Variants in ATE1 observed in about 807,000 individuals in gnomAD.
ATE1 encodes arginyl-tRNA--protein transferase 1.
ATE1 carries 36 observed loss-of-function variants against 70.5 expected under a neutral mutation model. That is an observed-to-expected ratio of 0.51 (90% confidence interval 0.39 to 0.67). The LOEUF (loss-of-function observed/expected upper bound fraction) is 0.67, where lower values mean the gene tolerates loss of function less well. ATE1 is among the 30% of genes least tolerant of loss of function. The pLI, the probability that ATE1 is intolerant of heterozygous loss-of-function variation, is 0.00. For missense variants in ATE1, 593 were observed against 629.5 expected (o/e 0.94, Z 0.62); for synonymous variants, 232 against 219.3 (o/e 1.06, Z -0.51).
intron 11 of ATE1, among the ~76,000 whole-genome samples, chr10:121,788,233 A>G (rs1043195396): frequency 1.1e-4 from 16 of 152,230 alleles, no homozygotes; most frequent in Admixed American, 1.0e-3. Flanking sequence ...TGACAAATTT[A>G]ATGTTTGTTT....
In ATE1 at chr10:121,791,752, C is replaced by A. The variant is rs7913772; in HGVS notation, c.1258-1463G>T. On this transcript the variant is annotated intron_variant, in intron 10 of 11. Transcript: ENST00000224652. ...CAAACCTTTTAGTATACAATGCTTA[C>A]CGATGTTATGTTCTAGTCTATTTTA... Among the ~76,000 whole-genome samples the A allele has an allele frequency of 7.8e-3, 1,184 of 152,236 alleles. 13 individuals carry two copies. Among genetic ancestry groups the A allele is most frequent in the African/African-American group, 0.028 (1,142 of 41,514 alleles).
In ATE1 at chr10:121,896,012, G is replaced by A. The variant is rs562107186; in HGVS notation, c.942+3854C>T. On this transcript the variant is annotated intron_variant, in intron 7 of 11. Coordinates refer to ENST00000224652, the MANE Select transcript of ATE1 (RefSeq NM_001001976.3). ...ATGGTACTGTAGTTATATATTTTTTGATGTCTATATTAATAACTTTTAATC... is the reference window on the plus strand; with the variant it reads ...ATGGTACTGTAGTTATATATTTTTTAATGTCTATATTAATAACTTTTAATC... Among the ~76,000 whole-genome samples, 24 of 151,426 alleles carry A rather than the reference G, an allele frequency of 1.6e-4. No homozygotes were observed. In the South Asian group the frequency reaches 4.6e-3, roughly 29 times the overall value.
intron 11 of ATE1, among the ~76,000 whole-genome samples, chr10:121,763,162 T>G (rs551096257): frequency 6.6e-6 from 1 of 152,320 alleles, no homozygotes; most frequent in South Asian, 2.1e-4. Context: ...TGGTTTATGA[T>G]AGCAAAATTG....
intron 8 of ATE1, among the ~76,000 whole-genome samples, chr10:121,849,171 A>G (rs1184797134): frequency 6.6e-6 from 1 of 151,010 alleles, no homozygotes; most frequent in Non-Finnish European, 1.5e-5. Context: ...CGATCACCCC[A>G]TTGCACTCCA....
chr10:121,759,606 C>T (rs1271201293), intron 11 of ATE1, among the ~76,000 whole-genome samples: 1 of 151,334 alleles, frequency 6.6e-6, no homozygotes, highest in Non-Finnish European at 1.5e-5. Context: ...CACCTGTAGT[C>T]CCAGCTACTT....
At chr10:121,766,642 A>G in intron 11 of ATE1, among the ~76,000 whole-genome samples, 1 of 152,256 alleles carries the variant, frequency 6.6e-6, no homozygotes, top group African/African-American at 2.4e-5. Context: ...CCCTCTAGCC[A>G]AAGTACCAGG....
chr10:121,885,844 GA>G (rs1453004252), intron 7 of ATE1, among the ~76,000 whole-genome samples: 4 of 152,224 alleles, frequency 2.6e-5, no homozygotes, highest in African/African-American at 4.8e-5. Flanking sequence ...TTGTTGCAGT[GA>G]ATCGAGATTG....
At chr10:121,810,566 G>A (rs1371291899) in intron 10 of ATE1, among the ~76,000 whole-genome samples, 2 of 151,668 alleles carry the variant, frequency 1.3e-5, no homozygotes, top group Admixed American at 6.6e-5. Context: ...CACCGCGCCC[G>A]GCCACTAAAT....
intron 11 of ATE1, among the ~76,000 whole-genome samples, chr10:121,746,071 C>T (rs1347630612): frequency 1.3e-5 from 2 of 152,114 alleles, no homozygotes; most frequent in African/African-American, 2.4e-5. Flanking sequence ...CGCAGAATTA[C>T]CCGCTTCCCC....
At chr10:121,766,182 T>C (rs1377478477) in intron 11 of ATE1, among the ~76,000 whole-genome samples, 1 of 152,220 alleles carries the variant, frequency 6.6e-6, no homozygotes, top group Non-Finnish European at 1.5e-5. Context: ...GTTCAAGTTT[T>C]ACCAGGCAGT....
chr10:121,861,379 C>A lies in ATE1; in HGVS notation c.975+8627G>T, dbSNP rs118133456. On this transcript the variant is annotated intron_variant, in intron 8 of 11. Transcript: ENST00000224652. ...TATGGGACTGGTTTCTAGGAAAAGA[C>A]TTCCAGTTGATATCATGAGATATAT... is the stretch of plus-strand genomic sequence containing the variant. Among the ~76,000 whole-genome samples the A allele has an allele frequency of 1.8e-3, 272 of 152,066 alleles. 8 individuals carry two copies. In the East Asian group the frequency reaches 0.046, roughly 26 times the overall value.
chr10:121,895,924 CAAA>C (rs529211208), intron 7 of ATE1, among the ~76,000 whole-genome samples: 1 of 127,356 alleles, frequency 7.9e-6, no homozygotes. Flanking sequence ...CTCCCCCCAC[CAAA>C]AAAAAAAAAA....
chr10:121,771,064 T>C (rs890777134), intron 11 of ATE1, among the ~76,000 whole-genome samples: 1 of 152,078 alleles, frequency 6.6e-6, no homozygotes, highest in Non-Finnish European at 1.5e-5. Flanking sequence ...CAACCATCTC[T>C]CTCTACTTTA....
chr10:121,751,038 C>T (rs926473560), intron 11 of ATE1, among the ~76,000 whole-genome samples: 5 of 152,014 alleles, frequency 3.3e-5, no homozygotes, highest in Admixed American at 2.6e-4. Flanking sequence ...AAGAACAGGC[C>T]GAGAAATGCA....
rs1485250978 is a variant in ATE1 at position 121,839,970 on chromosome 10, AAAGAG to A, written c.1157+1107_1157+1111del. Among the ~76,000 whole-genome samples the A allele has an allele frequency of 5.3e-5, 8 of 152,336 alleles. No homozygotes were observed. The South Asian group carries it at 6.2e-4, about 12-fold the overall frequency. On this transcript the variant is annotated intron_variant, in intron 9 of 11. Coordinates refer to ENST00000224652, the MANE Select transcript of ATE1 (RefSeq NM_001001976.3). ...ATCAGACATGAAGACTGAGAGATGA[AAAGAG>A]AAAAGTATGACACAATAGTAAACAG... is the stretch of plus-strand genomic sequence containing the variant.
intron 11 of ATE1, among the ~76,000 whole-genome samples, chr10:121,778,454 G>T (rs1021186600): frequency 6.6e-6 from 1 of 151,996 alleles, no homozygotes; most frequent in Non-Finnish European, 1.5e-5. Flanking sequence ...TGTTCATTGG[G>T]GGTTGGCAGC....
chr10:121,777,446 A>C (rs1945794620), intron 11 of ATE1, among the ~76,000 whole-genome samples: 1 of 152,172 alleles, frequency 6.6e-6, no homozygotes, highest in African/African-American at 2.4e-5. Context: ...ATCAAGTTCG[A>C]ATCTCTTTAG....
At chr10:121,898,184 T>G (rs571244632) in intron 7 of ATE1, among the ~76,000 whole-genome samples, 72 of 152,206 alleles carry the variant, frequency 4.7e-4, no homozygotes, top group Admixed American at 5.2e-4. Context: ...AAACGCCCGT[T>G]AAACCATATT....
At chr10:121,919,847 G>A (rs896959292) in intron 3 of ATE1, among the ~76,000 whole-genome samples, 1 of 151,764 alleles carries the variant, frequency 6.6e-6, no homozygotes, top group East Asian at 1.9e-4. Context: ...GCAGTGAGCT[G>A]AGATCACACC....
Sources: gnomAD v4.1 joint callset for allele counts (sites outside exome capture counted in the v4.1 genomes callset) on GRCh38, gnomAD v4.1.1 for gene constraint, MANE v1.5 for transcripts, NCBI Gene and HGNC (gene_info 2026-07-23, HGNC 2026-07-21) for gene names.